Variants in DCC observed in about 807,000 individuals in gnomAD.
DCC encodes the protein netrin receptor DCC.
In DCC, 58 loss-of-function variants were observed where a neutral mutation model predicts 172.5. The observed-to-expected ratio is 0.34, with a 90% CI of 0.27 to 0.42. DCC has a LOEUF of 0.42. Ranked by LOEUF, DCC falls within the 10% of genes least tolerant of loss-of-function variation. DCC has a pLI of 1.00. For missense variants in DCC, 1,740 were observed against 1,791.0 expected (o/e 0.97, Z 0.51); for synonymous variants, 709 against 644.5 (o/e 1.10, Z -1.52).
At chr18:53,025,990 A>G (rs1032206210) in intron 5 of DCC, among the ~76,000 whole-genome samples, 2 of 152,108 alleles carry the variant, frequency 1.3e-5, no homozygotes, top group South Asian at 2.1e-4. Context: ...TTCCCTGTGA[A>G]GGAATAGCTT....
chr18:52,926,882 TACAC>T lies in DCC; in HGVS notation c.985+1518_985+1521del, dbSNP rs374414121. On this transcript the variant is annotated intron_variant, in intron 5 of 28. Coordinates refer to ENST00000442544, the MANE Select transcript of DCC (RefSeq NM_005215.4). ...GTGTGTATATATACATATACATATATACACACACATACATATGTGTGTATATATA... is the reference window on the plus strand; with the variant it reads ...GTGTGTATATATACATATACATATATACACATACATATGTGTGTATATATA... 3.8e-4 allele frequency among the ~76,000 whole-genome samples: 55 copies of T among 144,196 alleles called. No individual in the cohort carries two copies. In the East Asian group the frequency reaches 9.1e-3, roughly 24 times the overall value. 94.6% of individuals were successfully genotyped at this position (144,196 alleles called of 152,430 possible). A position where few individuals can be genotyped will look rare whatever the true frequency, so the allele number is the denominator to read the frequency against.
At chr18:53,176,158 A>C (rs2144465740) in intron 8 of DCC, among the ~76,000 whole-genome samples, 1 of 131,286 alleles carries the variant, frequency 7.6e-6, no homozygotes, top group East Asian at 2.1e-4. Flanking sequence ...CCTTCCTTAC[A>C]CCTTATACAA....
intron 14 of DCC, among the ~76,000 whole-genome samples, chr18:53,324,340 T>C (rs1485938294): frequency 1.3e-5 from 2 of 152,188 alleles, no homozygotes; most frequent in Non-Finnish European, 2.9e-5. Context: ...CATTTCTTAT[T>C]AAAGGTCTAT....
intron 1 of DCC, among the ~76,000 whole-genome samples, chr18:52,519,091 A>T (rs1429583710): frequency 1.3e-5 from 2 of 152,206 alleles, no homozygotes; most frequent in Admixed American, 6.5e-5. Flanking sequence ...AGATGATTAG[A>T]TCTTTCTGAA....
chr18:52,349,799 T>C (rs924887058), intron 1 of DCC, among the ~76,000 whole-genome samples: 1 of 152,162 alleles, frequency 6.6e-6, no homozygotes, highest in Admixed American at 6.5e-5. Context: ...ATTATAAATA[T>C]TTAATTCATT....
chr18:52,854,049 T>A (rs916425307), intron 2 of DCC, among the ~76,000 whole-genome samples: 4 of 152,204 alleles, frequency 2.6e-5, no homozygotes, highest in Admixed American at 2.0e-4. Context: ...AACTGTAAAG[T>A]AGGAATGTTG....
intron 23 of DCC, among the ~76,000 whole-genome samples, chr18:53,457,884 C>T (rs1468033125): frequency 6.6e-6 from 1 of 152,098 alleles, no homozygotes; most frequent in Non-Finnish European, 1.5e-5. Context: ...TCCTCATCAG[C>T]ACGCTTCAAG....
chr18:52,794,171 A>G (rs941733149), intron 2 of DCC, among the ~76,000 whole-genome samples: 22 of 151,672 alleles, frequency 1.5e-4, no homozygotes, highest in African/African-American at 5.3e-4. Flanking sequence ...TTTTTTTTAT[A>G]TTTCTCTTGA....
At chr18:53,241,696 A>G (rs1242930909) in intron 12 of DCC, among the ~76,000 whole-genome samples, 1 of 152,180 alleles carries the variant, frequency 6.6e-6, no homozygotes, top group Non-Finnish European at 1.5e-5. Flanking sequence ...GATGTGCATA[A>G]GAGCATGGCC....
intron 1 of DCC, among the ~76,000 whole-genome samples, chr18:52,581,860 G>A (rs4940191): frequency 0.13 from 20,152 of 152,098 alleles, 1,409 homozygotes; most frequent in South Asian, 0.19. Context: ...AGGTGCCTTT[G>A]CCAAGTACTC....
intron 17 of DCC, among the ~76,000 whole-genome samples, chr18:53,395,909 C>T (rs1200073119): frequency 6.6e-6 from 1 of 152,194 alleles, no homozygotes; most frequent in Non-Finnish European, 1.5e-5. Flanking sequence ...TCCCAAAGTG[C>T]TGGGATTACA....
At chr18:52,811,982 A>G (rs1016810018) in intron 2 of DCC, among the ~76,000 whole-genome samples, 9 of 152,326 alleles carry the variant, frequency 5.9e-5, no homozygotes, top group African/African-American at 1.9e-4. Flanking sequence ...TTCAAAAGGC[A>G]ACTTTTAAGA....
intron 7 of DCC, among the ~76,000 whole-genome samples, chr18:53,068,771 C>CTGTGTGTGTGTG (rs74683814): frequency 0.022 from 3,128 of 143,630 alleles, 131 homozygotes; most frequent in African/African-American, 0.057. Context: ...ACCTTTTAGA[C>CTGTGTGTGTGTG]TGTGTGTGTG....
At chr18:52,421,714 T>G (rs946052612) in intron 1 of DCC, among the ~76,000 whole-genome samples, 1 of 152,214 alleles carries the variant, frequency 6.6e-6, no homozygotes, top group African/African-American at 2.4e-5. Context: ...TCTTGATTAA[T>G]TCCCCAGGTT....
intron 24 of DCC, among the ~76,000 whole-genome samples, chr18:53,460,293 T>TCC (rs2045539744): frequency 8.5e-6 from 1 of 117,736 alleles, no homozygotes; most frequent in Non-Finnish European, 1.8e-5. Context: ...TTTTTTTTTT[T>TCC]TTTTTTTTTT....
At chr18:52,709,499 C>T (rs189486003) in intron 1 of DCC, among the ~76,000 whole-genome samples, 80 of 152,146 alleles carry the variant, frequency 5.3e-4, no homozygotes, top group Non-Finnish European at 1.0e-3. Context: ...TCATGTCAGT[C>T]AGCAGTGACA....
At chr18:53,257,847 T>G (rs1037985462) in intron 12 of DCC, among the ~76,000 whole-genome samples, 1 of 152,122 alleles carries the variant, frequency 6.6e-6, no homozygotes, top group Non-Finnish European at 1.5e-5. Context: ...GTCCTGGACT[T>G]TTTTTGGTTG....
At chr18:53,081,588 G>T (rs889740040) in intron 7 of DCC, among the ~76,000 whole-genome samples, 1 of 151,582 alleles carries the variant, frequency 6.6e-6, no homozygotes, top group African/African-American at 2.4e-5. Context: ...GTTTAAGAAC[G>T]TCACATGTGC....
intron 2 of DCC, among the ~76,000 whole-genome samples, chr18:52,771,037 A>C (rs1024830757): frequency 6.6e-6 from 1 of 152,144 alleles, no homozygotes. Flanking sequence ...CATTTTTTCC[A>C]TTTTAAAGAA....
Sources: gnomAD v4.1 joint callset for allele counts (sites outside exome capture counted in the v4.1 genomes callset) on GRCh38, gnomAD v4.1.1 for gene constraint, MANE v1.5 for transcripts, NCBI Gene and HGNC (gene_info 2026-07-23, HGNC 2026-07-21) for gene names.